TNS1: variants seen among roughly 807,000 people sequenced by gnomAD.
The protein encoded by TNS1 is tensin 1.
TNS1 carries 62 observed loss-of-function variants against 168.6 expected under a neutral mutation model. The observed-to-expected ratio is 0.37, with a 90% CI of 0.30 to 0.45. The LOEUF (loss-of-function observed/expected upper bound fraction) is 0.45, where lower values mean the gene tolerates loss of function less well. TNS1 is among the 20% of genes least tolerant of loss of function. The probability of loss-of-function intolerance (pLI) is 1.00; values close to 1 mark genes in which losing one functional copy is unlikely to be tolerated. For synonymous variants in TNS1, 934 were observed against 933.2 expected, an observed-to-expected ratio of 1.00 and a Z score of -0.02; for missense variants, 2,240 against 2,339.4, an observed-to-expected ratio of 0.96 and a Z score of 0.88.
chr2:218,002,980 G>C lies in TNS1; in HGVS notation c.-108C>G. 2 of 453,766 alleles carry C rather than the reference G, an allele frequency of 4.4e-6. No individual in the cohort carries two copies. Among genetic ancestry groups the C allele is most frequent in the South Asian group, 1.6e-5 (1 of 64,404 alleles). 28.1% of individuals were successfully genotyped at this position (453,766 alleles called of 1,614,324 possible). ...GGCTCTCTGAGTCCGCGGCTGCTCC[G>C]GCTCCGCCAGCATCTGCTGGGCCTC... On this transcript the variant is annotated 5_prime_UTR_variant, in exon 1 of 33. Coordinates refer to ENST00000682258, the MANE Select transcript of TNS1 (RefSeq NM_001387777.1).
At chr2:218,007,579 T>C (rs1958670804), upstream of TNS1, among the ~76,000 whole-genome samples, 1 of 118,920 alleles carries the variant, frequency 8.4e-6, no homozygotes, top group African/African-American at 3.2e-5. Context: ...GGGGGGGGGT[T>C]CAGCCAGGTC....
At chr2:218,003,431 G>A (rs954123693), upstream of TNS1, among the ~76,000 whole-genome samples, 6 of 152,050 alleles carry the variant, frequency 3.9e-5, no homozygotes, top group Admixed American at 2.0e-4. Context: ...CCTTCTCTGA[G>A]TACCCGTGCC....
chr2:217,826,822 C>G (rs2125242200), intron 22 of TNS1, among the ~76,000 whole-genome samples: 1 of 152,348 alleles, frequency 6.6e-6, no homozygotes, highest in Non-Finnish European at 1.5e-5. Flanking sequence ...AGAGCAGCTG[C>G]AGCACAGGGT....
rs992442623 is a variant in TNS1, at chr2:217,880,440, A to T, written c.1429+458T>A. Reference sequence around the variant, plus strand: ...TGTTCCTAGTACTCTGACCCCAGAGAACTCAGGCAGCAAGCCTGAAGAAAC... The same window carrying T: ...TGTTCCTAGTACTCTGACCCCAGAGTACTCAGGCAGCAAGCCTGAAGAAAC... On this transcript the variant is annotated intron_variant, in intron 18 of 32. Coordinates refer to ENST00000682258, the MANE Select transcript of TNS1 (RefSeq NM_001387777.1). This position sits in a 1 kb window ranked among gnomAD's most constrained non-coding sequence, Gnocchi z 4.2. 6.6e-6 allele frequency among the ~76,000 whole-genome samples: 1 copy of T among 152,162 alleles called. No homozygotes were observed. The highest frequency in any genetic ancestry group is 1.5e-5 in the Non-Finnish European group (1 of 68,022).
chr2:217,817,376 C>T (rs780418060), intron 24 of TNS1, among the ~76,000 whole-genome samples: 7 of 152,142 alleles, frequency 4.6e-5, no homozygotes, highest in Non-Finnish European at 1.0e-4. Context: ...CAGAGCCTGG[C>T]ACACAGCATG....
intron 4 of TNS1, among the ~76,000 whole-genome samples, chr2:217,918,285 C>A (rs1009847687): frequency 6.6e-6 from 1 of 152,328 alleles, no homozygotes; most frequent in East Asian, 1.9e-4. Flanking sequence ...GGGTCGTACA[C>A]CAGGGAGCGG....
chr2:217,883,134 A>G (rs543411671), intron 16 of TNS1, among the ~76,000 whole-genome samples: 9 of 152,238 alleles, frequency 5.9e-5, no homozygotes, highest in Non-Finnish European at 1.3e-4. Flanking sequence ...ATTGACCACT[A>G]TTAATATGAA....
Position 217,893,430 on chromosome 2 carries a change from AG to A in TNS1, c.717+8del. The stretch of plus-strand genomic sequence containing the variant: ...CACACACACACACACACACACACAC[AG>A]CTCTGACCTTGTTGTGTAGAACAAC... On this transcript the variant is annotated splice_region_variant and intron_variant, in intron 10 of 32. Coordinates refer to ENST00000682258, the MANE Select transcript of TNS1 (RefSeq NM_001387777.1). 1 of 1,591,460 alleles carries A rather than the reference AG, an allele frequency of 6.3e-7. No individual in the cohort carries two copies.
In TNS1 at chr2:217,854,170, C is replaced by T. The variant is rs573882515; in HGVS notation, c.1430-5083G>A. On this transcript the variant is annotated intron_variant, in intron 18 of 32. Transcript: ENST00000682258. The stretch of plus-strand genomic sequence containing the variant: ...TGGCTGGAGGACATCTAGAGAAACC[C>T]GCCCCAGCTGATCAGCACTTTGGGC... Among the ~76,000 whole-genome samples, 7 of 152,282 alleles carry T rather than the reference C, an allele frequency of 4.6e-5. No individual in the cohort carries two copies. The South Asian group carries it at 1.5e-3, about 32-fold the overall frequency.
Position 217,813,878 on chromosome 2 carries a change from T to G in TNS1, c.4730-62A>C. On this transcript the variant is annotated intron_variant, in intron 25 of 32. Transcript: ENST00000682258. This position sits in a 1 kb window ranked among gnomAD's most constrained non-coding sequence, Gnocchi z 4.0. ...AGACCTCGGTGGCGCTAGTTTTACT[T>G]AAGTCTCATTGAGCCTACCGACCTT... 6.7e-7 allele frequency: 1 copy of G among 1,501,614 alleles called. No homozygotes were observed. The highest frequency in any genetic ancestry group is 2.4e-5 in the East Asian group (1 of 41,604). The allele number at this position is 1,501,614 out of a possible 1,614,324, so 93.0% of individuals were successfully genotyped here. A position where few individuals can be genotyped will look rare whatever the true frequency, so the allele number is the denominator to read the frequency against.
rs576105506 is a variant in TNS1 at position 217,912,327 on chromosome 2, G to A, written c.229-5076C>T. On this transcript the variant is annotated intron_variant, in intron 4 of 32. Coordinates refer to ENST00000682258, the MANE Select transcript of TNS1 (RefSeq NM_001387777.1). ...GGAAGGGGATTGGGGAGGAGGGTGC[G>A]CAGAATGCGGGCTCAGCCTCCGGAG... Among the ~76,000 whole-genome samples the A allele has an allele frequency of 5.2e-5, 8 of 152,382 alleles. No individual in the cohort carries two copies. In the East Asian group the frequency reaches 5.8e-4, roughly 11 times the overall value.
intron 18 of TNS1, chr2:217,858,524 G>C (rs756377518): frequency 2.0e-6 from 2 of 986,052 alleles, no homozygotes; most frequent in Non-Finnish European, 2.4e-6. Context: ...GGGAGGAAGC[G>C]GAGGGAAGCC....
At chr2:217,878,335 C>G (rs976451406) in intron 18 of TNS1, among the ~76,000 whole-genome samples, 1 of 152,168 alleles carries the variant, frequency 6.6e-6, no homozygotes, top group Non-Finnish European at 1.5e-5. Context: ...GCCACAAAAC[C>G]AGATGCCCAA....
chr2:217,841,707 C>T (rs1419034349), intron 19 of TNS1, among the ~76,000 whole-genome samples: 1 of 152,022 alleles, frequency 6.6e-6, no homozygotes, highest in Non-Finnish European at 1.5e-5. Context: ...CAGGCCTGTC[C>T]CTGGACCACC....
chr2:217,967,640 A>G (rs1295235481), intron 3 of TNS1, among the ~76,000 whole-genome samples: 1 of 152,204 alleles, frequency 6.6e-6, no homozygotes, highest in Non-Finnish European at 1.5e-5. Flanking sequence ...GAATAGACCT[A>G]TAATAAATAA....
At chr2:217,917,547 C>T (rs924640159) in intron 4 of TNS1, among the ~76,000 whole-genome samples, 8 of 151,968 alleles carry the variant, frequency 5.3e-5, no homozygotes, top group Admixed American at 6.6e-5. Flanking sequence ...ATTTGAGGTT[C>T]GGCCGGGCGC....
rs759780230 is a variant in TNS1, at chr2:217,847,524, G to C, written c.2993C>G (p.Ala998Gly). ...EEPLNLEGLV[A>G]HRVAGVQARE... ...ATACCTCTTACCTGCTACCCTGTGG[G>C]CCACCAGCCCTTCTAAATTCAATGG... The change falls in exon 19 of 33, where the codon GCC becomes GGC. Residue 998 changes from alanine to glycine, a missense_variant. Ala to Gly is a moderately conservative substitution (Grantham distance 60, BLOSUM62 0). Coordinates refer to ENST00000682258, the MANE Select transcript of TNS1 (RefSeq NM_001387777.1). 6.8e-6 allele frequency: 10 copies of C among 1,466,342 alleles called. No homozygotes were observed. Among genetic ancestry groups the C allele is most frequent in the Admixed American group, 2.3e-5 (1 of 43,974 alleles). The allele number at this position is 1,466,342 out of a possible 1,614,324, so 90.8% of individuals were successfully genotyped here.
At chr2:217,925,265 T>C (rs1054933351) in intron 3 of TNS1, among the ~76,000 whole-genome samples, 4 of 152,212 alleles carry the variant, frequency 2.6e-5, no homozygotes, top group African/African-American at 9.7e-5. Flanking sequence ...TTATGGTCTG[T>C]GGACTCCAGG....
At chr2:217,862,900 C>T (rs192830719) in intron 18 of TNS1, among the ~76,000 whole-genome samples, 184 of 152,336 alleles carry the variant, frequency 1.2e-3, no homozygotes, top group East Asian at 3.9e-3. Flanking sequence ...AGACACACTT[C>T]CCAACTGTAG....
Sources: allele counts gnomAD v4.1 joint callset (sites outside exome capture counted in the v4.1 genomes callset), GRCh38; gene constraint gnomAD v4.1.1; non-coding constraint Gnocchi (gnomAD v3.1); transcripts MANE v1.5; gene names NCBI Gene and HGNC (gene_info 2026-07-23, HGNC 2026-07-21).